The following FRS2 variants were observed in gnomAD, a reference collection of about 807,000 sequenced individuals.
The protein encoded by FRS2 is FGFR signalling adaptor.
FRS2 carries 8 observed loss-of-function variants against 43.9 expected under a neutral mutation model. The observed-to-expected ratio is 0.18, with a 90% CI of 0.11 to 0.33. FRS2 has a LOEUF of 0.33. FRS2 is among the 10% of genes least tolerant of loss of function. The probability of loss-of-function intolerance (pLI) is 1.00; values close to 1 mark genes in which losing one functional copy is unlikely to be tolerated. For synonymous variants in FRS2, 219 were observed against 220.3 expected, an observed-to-expected ratio of 0.99 and a Z score of 0.05; for missense variants, 534 against 627.6, an observed-to-expected ratio of 0.85 and a Z score of 1.59.
intron 1 of FRS2, among the ~76,000 whole-genome samples, chr12:69,528,831 T>TA (rs1315704046): frequency 6.6e-6 from 1 of 152,174 alleles, no homozygotes; most frequent in Non-Finnish European, 1.5e-5. Context: ...AACAAAGTCC[T>TA]AAAGGAAGAG....
At chr12:69,470,656 T>C (rs1037048518) in intron 1 of FRS2, 126 bp downstream of exon 1, 1 of 377,036 alleles carries the variant, frequency 2.7e-6, no homozygotes, top group Admixed American at 4.5e-5. Context: ...GGGAAGGGGA[T>C]TGTCGACCGC....
chr12:69,562,824 G>A (rs1270678230), intron 4 of FRS2, among the ~76,000 whole-genome samples: 2 of 151,926 alleles, frequency 1.3e-5, no homozygotes, highest in Non-Finnish European at 2.9e-5. Context: ...CAAGTAGCTG[G>A]GACTACAGGT....
chr12:69,470,650 A>C (rs940942352), intron 1 of FRS2, 120 bp downstream of exon 1: 1 of 164,784 alleles, frequency 6.1e-6, no homozygotes, highest in East Asian at 1.4e-4. Flanking sequence ...CGTCCGGGGA[A>C]GGGGATTGTC....
At chr12:69,572,637 G>A (rs1880860161) in intron 8 of FRS2, among the ~76,000 whole-genome samples, 2 of 152,164 alleles carry the variant, frequency 1.3e-5, no homozygotes. Context: ...CGAGTAGGAA[G>A]GTAGATTTTG....
intron 1 of FRS2, among the ~76,000 whole-genome samples, chr12:69,497,112 G>A (rs922751828): frequency 6.6e-6 from 1 of 152,112 alleles, no homozygotes; most frequent in Non-Finnish European, 1.5e-5. Context: ...TCTGTACTGG[G>A]GACTGGGGCT....
intron 1 of FRS2, among the ~76,000 whole-genome samples, chr12:69,484,769 G>GT (rs1308436805): frequency 2.6e-5 from 4 of 152,092 alleles, no homozygotes; most frequent in Middle Eastern, 3.2e-3. Flanking sequence ...TGGCCTTGAC[G>GT]TTTTTTGATG....
Position 69,557,619 on chromosome 12 carries a change from T to TGTGTGTGTGTGTGTGCGC in FRS2, c.-121-4560_-121-4559insTGTGTGTGTGTGTGCGCG, listed in dbSNP as rs1555192498. 2.7e-3 allele frequency among the ~76,000 whole-genome samples: 325 copies of TGTGTGTGTGTGTGTGCGC among 118,988 alleles called. 2 individuals carry two copies. The highest frequency in any genetic ancestry group is 0.02 in the East Asian group (81 of 4,012). The allele number at this position is 118,988 out of a possible 152,430, so 78.1% of individuals were successfully genotyped here. On this transcript the variant is annotated intron_variant, in intron 3 of 8. Transcript: ENST00000549921. ...TTGTGTGTGTGTGTGTGTGTGTGTG[T>TGTGTGTGTGTGTGTGCGC]GCGCGCGCGCGCGCGCGCAGGTGCA...
intron 4 of FRS2, among the ~76,000 whole-genome samples, chr12:69,564,795 G>A (rs1565778055): frequency 2.0e-5 from 3 of 152,002 alleles, no homozygotes; most frequent in Admixed American, 6.6e-5. Context: ...ACTTCTGACC[G>A]TCTCACTTTT....
chr12:69,546,384 A>G (rs773707342), intron 3 of FRS2, among the ~76,000 whole-genome samples: 2 of 151,944 alleles, frequency 1.3e-5, no homozygotes, highest in Non-Finnish European at 2.9e-5. Context: ...CAGCCTCCCA[A>G]GTAGCTGGGA....
rs193122460 is a variant in FRS2, at chr12:69,543,474, G to A, written c.-122+11418G>A. Among the ~76,000 whole-genome samples the A allele has an allele frequency of 3.3e-5, 5 of 152,242 alleles. No individual in the cohort carries two copies. In the South Asian group the frequency reaches 6.2e-4, roughly 19 times the overall value. ...AAATCTTTGTCACTATGGAGTTTAC[G>A]TTTTGTGGTGGCATTGGAGTGAAGA... On this transcript the variant is annotated intron_variant, in intron 3 of 8. Transcript: ENST00000549921.
At chr12:69,553,477 TTTAAG>T (rs1247373798) in intron 3 of FRS2, among the ~76,000 whole-genome samples, 1 of 152,230 alleles carries the variant, frequency 6.6e-6, no homozygotes, top group Non-Finnish European at 1.5e-5. Flanking sequence ...TAGCACTTTC[TTTAAG>T]GGACAATATG....
At chr12:69,496,618 G>T (rs748969875) in intron 1 of FRS2, among the ~76,000 whole-genome samples, 30 of 152,216 alleles carry the variant, frequency 2.0e-4, no homozygotes, top group Admixed American at 5.2e-4. Flanking sequence ...TAAACCAAAC[G>T]CTTTCACTTA....
At chr12:69,502,320 A>G (rs1391707294) in intron 1 of FRS2, among the ~76,000 whole-genome samples, 2 of 152,172 alleles carry the variant, frequency 1.3e-5, no homozygotes, top group Non-Finnish European at 2.9e-5. Context: ...ACTTCACTGA[A>G]TGCAGCTTTT....
intron 1 of FRS2, among the ~76,000 whole-genome samples, chr12:69,504,581 TAA>T (rs1253444112): frequency 2.0e-5 from 3 of 152,196 alleles, no homozygotes; most frequent in Non-Finnish European, 4.4e-5. Flanking sequence ...GAAAATAACA[TAA>T]GTCTGCTATG....
At chr12:69,473,014 GT>G (rs1052856372) in intron 1 of FRS2, among the ~76,000 whole-genome samples, 12 of 152,190 alleles carry the variant, frequency 7.9e-5, no homozygotes, top group African/African-American at 2.9e-4. Flanking sequence ...CTTATGGGTG[GT>G]TTGAGGTAAA....
At chr12:69,478,203 T>C (rs866139144) in intron 1 of FRS2, among the ~76,000 whole-genome samples, 54 of 152,270 alleles carry the variant, frequency 3.5e-4, no homozygotes, top group African/African-American at 1.2e-3. Context: ...TTAAGGGGGA[T>C]TTAATCCGTT....
intron 4 of FRS2, among the ~76,000 whole-genome samples, chr12:69,565,925 AT>A (rs1880257156): frequency 1.3e-5 from 2 of 152,194 alleles, no homozygotes. Context: ...ATTATCAAGT[AT>A]TACGTACTAT....
chr12:69,550,427 G>C (rs1002588261), intron 3 of FRS2, among the ~76,000 whole-genome samples: 1 of 152,128 alleles, frequency 6.6e-6, no homozygotes. Context: ...AACTCAACCT[G>C]TGAGGAAATA....
At chr12:69,476,260 A>G (rs1870761969) in intron 1 of FRS2, among the ~76,000 whole-genome samples, 1 of 152,196 alleles carries the variant, frequency 6.6e-6, no homozygotes, top group South Asian at 2.1e-4. Context: ...CTTATAACAT[A>G]TTTCAAGGAG....
Sources: allele counts gnomAD v4.1 joint callset (sites outside exome capture counted in the v4.1 genomes callset), GRCh38; gene constraint gnomAD v4.1.1; transcripts MANE v1.5; gene names NCBI Gene and HGNC (gene_info 2026-07-23, HGNC 2026-07-21).